Variants in SLIT3 observed in about 807,000 individuals in gnomAD.
The protein encoded by SLIT3 is slit guidance ligand 3.
In SLIT3, 68 loss-of-function variants were observed where a neutral mutation model predicts 184.0. The ratio of observed to expected loss-of-function variants is 0.37; its 90% CI spans 0.30 to 0.45. The LOEUF (loss-of-function observed/expected upper bound fraction) is 0.45. Ranked by LOEUF, SLIT3 falls within the 20% of genes least tolerant of loss-of-function variation. SLIT3 has a pLI of 1.00. For missense variants in SLIT3, 1,707 were observed against 2,026.0 expected (o/e 0.84, Z 3.02); for synonymous variants, 831 against 828.6 (o/e 1.00, Z -0.05).
intron 4 of SLIT3, among the ~76,000 whole-genome samples, chr5:169,047,887 C>T (rs894803985): frequency 2.0e-5 from 3 of 152,188 alleles, no homozygotes; most frequent in Admixed American, 6.5e-5. Flanking sequence ...TCCTGAGCAG[C>T]TCCAGAGCAG....
chr5:169,298,143 C>T (rs1424512580), intron 1 of SLIT3, among the ~76,000 whole-genome samples: 1 of 152,122 alleles, frequency 6.6e-6, no homozygotes, highest in Non-Finnish European at 1.5e-5. Flanking sequence ...CCCCCATTCC[C>T]AGGGAGGAAG....
At chr5:169,224,936 G>T (rs1425271882) in intron 3 of SLIT3, among the ~76,000 whole-genome samples, 2 of 152,102 alleles carry the variant, frequency 1.3e-5, no homozygotes, top group African/African-American at 2.4e-5. Context: ...CGCCCATCTT[G>T]GCCTCCCGAA....
chr5:168,771,031 A>G (rs1427442896), intron 14 of SLIT3, among the ~76,000 whole-genome samples: 1 of 152,112 alleles, frequency 6.6e-6, no homozygotes, highest in African/African-American at 2.4e-5. Flanking sequence ...GGTCCAAAGT[A>G]CTAACAGGAT....
intron 3 of SLIT3, among the ~76,000 whole-genome samples, chr5:169,222,520 GA>G (rs561980932): frequency 9.2e-5 from 14 of 151,460 alleles, no homozygotes; most frequent in African/African-American, 2.4e-4. Context: ...TGTGATGAAA[GA>G]AAAAAAAGAT....
intron 7 of SLIT3, among the ~76,000 whole-genome samples, chr5:168,821,522 A>C (rs758188069): frequency 2.0e-5 from 3 of 152,230 alleles, no homozygotes; most frequent in Non-Finnish European, 4.4e-5. Context: ...AGGTCTTTGA[A>C]GACCAAATGG....
chr5:169,200,037 GC>G (rs1223101787), intron 3 of SLIT3, among the ~76,000 whole-genome samples: 1 of 152,210 alleles, frequency 6.6e-6, no homozygotes, highest in Non-Finnish European at 1.5e-5. Context: ...CTCCCAGAGG[GC>G]CTGCCTACCT....
At chr5:169,284,942 A>G (rs888778) in intron 1 of SLIT3, among the ~76,000 whole-genome samples, 8,037 of 151,972 alleles carry the variant, frequency 0.053, 722 homozygotes, top group African/African-American at 0.18. Context: ...ACAGGGTCAC[A>G]CTCTGTCACC....
chr5:168,695,148 T>C (rs939260908), intron 28 of SLIT3, among the ~76,000 whole-genome samples: 1 of 152,188 alleles, frequency 6.6e-6, no homozygotes, highest in Non-Finnish European at 1.5e-5. Flanking sequence ...CAAGGATGCT[T>C]CTATTCATCT....
intron 9 of SLIT3, among the ~76,000 whole-genome samples, chr5:168,805,998 T>C (rs1756940452): frequency 6.6e-6 from 1 of 152,226 alleles, no homozygotes; most frequent in Non-Finnish European, 1.5e-5. Flanking sequence ...GTCACACAGC[T>C]AGTAAACGGT....
chr5:168,745,766 T>C (rs1763779257), intron 20 of SLIT3, among the ~76,000 whole-genome samples: 1 of 147,558 alleles, frequency 6.8e-6, no homozygotes, highest in Admixed American at 6.9e-5. Context: ...TAAACAGCAT[T>C]GTGTACTGCA....
At chr5:169,056,400 C>T (rs1027084261) in intron 4 of SLIT3, among the ~76,000 whole-genome samples, 1 of 152,130 alleles carries the variant, frequency 6.6e-6, no homozygotes, top group Non-Finnish European at 1.5e-5. Flanking sequence ...TATATGTTTA[C>T]GCATACTTAC....
intron 20 of SLIT3, among the ~76,000 whole-genome samples, chr5:168,736,081 G>C (rs571568724): frequency 6.6e-6 from 1 of 152,178 alleles, no homozygotes; most frequent in African/African-American, 2.4e-5. Context: ...TGCCTGATCT[G>C]GTCGGTTTTC....
Position 169,201,991 on chromosome 5 carries a change from G to T in SLIT3, c.342-8441C>A, listed in dbSNP as rs538149017. On this transcript the variant is annotated intron_variant, in intron 3 of 35. Coordinates refer to ENST00000519560, the MANE Select transcript of SLIT3 (RefSeq NM_003062.4). ...TCATGCCTACAGTCCTGGCACTTTG[G>T]GAGGCCAAAGCAGGAGGATTGCTTG... Among the ~76,000 whole-genome samples the T allele has an allele frequency of 2.2e-4, 7 of 31,164 alleles. No individual in the cohort carries two copies. In the South Asian group the frequency reaches 4.7e-3, roughly 21 times the overall value. The allele number at this position is 31,164 out of a possible 152,430, so 20.4% of individuals were successfully genotyped here. A position where few individuals can be genotyped will look rare whatever the true frequency, so the allele number is the denominator to read the frequency against.
chr5:169,073,777 A>T (rs571764045), intron 4 of SLIT3, among the ~76,000 whole-genome samples: 1 of 152,110 alleles, frequency 6.6e-6, no homozygotes, highest in Non-Finnish European at 1.5e-5. Flanking sequence ...ACCTTCTGCA[A>T]TGATTGTAAA....
chr5:168,987,609 T>C lies in SLIT3; in HGVS notation c.414-104273A>G, dbSNP rs1012685520. ...TTATCACATGCACACAGTAAAGCTC[T>C]ACCCTTGGTAACATAATGATAGTCT... On this transcript the variant is annotated intron_variant, in intron 4 of 35. Transcript: ENST00000519560. Among the ~76,000 whole-genome samples the C allele has an allele frequency of 3.3e-5, 5 of 152,360 alleles. No individual in the cohort carries two copies. In the East Asian group the frequency reaches 5.8e-4, roughly 18 times the overall value.
chr5:168,891,065 C>T (rs55956799), intron 4 of SLIT3, among the ~76,000 whole-genome samples: 16,914 of 152,234 alleles, frequency 0.11, 1,161 homozygotes, highest in Non-Finnish European at 0.16. Flanking sequence ...AATGGACAAG[C>T]GAGTGCTTTC....
intron 6 of SLIT3, among the ~76,000 whole-genome samples, chr5:168,826,945 G>A (rs1757723989): frequency 6.6e-6 from 1 of 152,076 alleles, no homozygotes; most frequent in Admixed American, 6.5e-5. Context: ...GTGTTTTTTA[G>A]TAGAGACAGG....
At chr5:168,768,287 A>T in intron 14 of SLIT3, 1 of 481,990 alleles carries the variant, frequency 2.1e-6, no homozygotes, top group South Asian at 1.5e-5. Context: ...CGTCAGAGAG[A>T]GGACAGGAGC....
chr5:168,962,775 T>G (rs1307009604), intron 4 of SLIT3, among the ~76,000 whole-genome samples: 1 of 93,590 alleles, frequency 1.1e-5, no homozygotes, highest in Admixed American at 9.5e-5. Flanking sequence ...TGGCTGCCTT[T>G]TAGCTCTTAG....
Sources: allele counts gnomAD v4.1 joint callset (sites outside exome capture counted in the v4.1 genomes callset), GRCh38; gene constraint gnomAD v4.1.1; transcripts MANE v1.5; gene names NCBI Gene and HGNC (gene_info 2026-07-23, HGNC 2026-07-21).